PRKCE: variants seen among roughly 807,000 people sequenced by gnomAD.
The protein encoded by PRKCE is protein kinase C epsilon type.
PRKCE carries 16 observed loss-of-function variants against 85.4 expected under a neutral mutation model. The ratio of observed to expected loss-of-function variants is 0.19; its 90% CI spans 0.13 to 0.28. PRKCE has a LOEUF of 0.28. Ranked by LOEUF, PRKCE falls within the 10% of genes least tolerant of loss-of-function variation. The pLI, the probability that PRKCE is intolerant of heterozygous loss-of-function variation, is 1.00. For missense variants in PRKCE, 573 were observed against 975.2 expected, an observed-to-expected ratio of 0.59 and a Z score of 5.49; for synonymous variants, 388 against 371.5, an observed-to-expected ratio of 1.04 and a Z score of -0.51.
At chr2:45,926,184 G>A (rs183965949) in intron 2 of PRKCE, among the ~76,000 whole-genome samples, 75 of 152,326 alleles carry the variant, frequency 4.9e-4, no homozygotes, top group African/African-American at 1.7e-3. Flanking sequence ...CTGCTGCTCA[G>A]CGGCTGACTG....
chr2:46,107,371 G>A (rs1295703167), intron 11 of PRKCE, among the ~76,000 whole-genome samples: 1 of 152,106 alleles, frequency 6.6e-6, no homozygotes, highest in South Asian at 2.1e-4. Flanking sequence ...GGCCGGGCAC[G>A]GTGGCTCATG....
chr2:46,113,658 TC>T (rs979505776), intron 11 of PRKCE, among the ~76,000 whole-genome samples: 2 of 152,160 alleles, frequency 1.3e-5, no homozygotes, highest in African/African-American at 4.8e-5. Flanking sequence ...GAGTTTGCAG[TC>T]CCTGGCTTGC....
chr2:46,141,945 G>A (rs1681806694), intron 11 of PRKCE, among the ~76,000 whole-genome samples: 1 of 152,144 alleles, frequency 6.6e-6, no homozygotes, highest in South Asian at 2.1e-4. Flanking sequence ...AAGTAGGCAA[G>A]GCTGGGAAAC....
chr2:46,023,076 C>T (rs1049232028), intron 10 of PRKCE, among the ~76,000 whole-genome samples: 2 of 114,240 alleles, frequency 1.8e-5, no homozygotes, highest in African/African-American at 7.0e-5. Flanking sequence ...GGCGACAGAG[C>T]GAGACTCCGT....
chr2:45,887,959 A>G (rs1301157329), intron 2 of PRKCE, among the ~76,000 whole-genome samples: 1 of 152,184 alleles, frequency 6.6e-6, no homozygotes, highest in Non-Finnish European at 1.5e-5. Context: ...CTGCCCACAT[A>G]GGAGAGGTGG....
chr2:46,008,927 G>A (rs1224743584), intron 9 of PRKCE, among the ~76,000 whole-genome samples: 2 of 152,200 alleles, frequency 1.3e-5, no homozygotes, highest in African/African-American at 4.8e-5. Context: ...GTTTTAAAGA[G>A]TCTGTAAAAT....
At chr2:46,020,767 G>A (rs1354124938) in intron 10 of PRKCE, among the ~76,000 whole-genome samples, 1 of 152,236 alleles carries the variant, frequency 6.6e-6, no homozygotes, top group Non-Finnish European at 1.5e-5. Flanking sequence ...AGATAACAGG[G>A]ACTGGGAAGG....
At chr2:45,951,896 C>CA (rs1411966247) in intron 2 of PRKCE, among the ~76,000 whole-genome samples, 1 of 152,198 alleles carries the variant, frequency 6.6e-6, no homozygotes, top group Non-Finnish European at 1.5e-5. Context: ...ACAGGGGCGC[C>CA]ATCTTGGCTC....
chr2:45,909,721 A>T (rs1697239850), intron 2 of PRKCE, among the ~76,000 whole-genome samples: 1 of 152,200 alleles, frequency 6.6e-6, no homozygotes, highest in African/African-American at 2.4e-5. Context: ...CATTTAGAAA[A>T]GCCTTCCAGG....
intron 1 of PRKCE, among the ~76,000 whole-genome samples, chr2:45,842,246 C>T (rs1482995667): frequency 2.0e-5 from 3 of 152,230 alleles, no homozygotes; most frequent in South Asian, 4.1e-4. Flanking sequence ...AGTGAGGGTG[C>T]CTGTGCTGTT....
chr2:45,893,947 G>A (rs13400838), intron 2 of PRKCE, among the ~76,000 whole-genome samples: 9,978 of 152,026 alleles, frequency 0.066, 380 homozygotes, highest in Middle Eastern at 0.12. Context: ...CTCTGTTTCC[G>A]GGCAAGGGAC....
At chr2:45,859,238 C>G (rs929544559) in intron 2 of PRKCE, among the ~76,000 whole-genome samples, 1 of 151,316 alleles carries the variant, frequency 6.6e-6, no homozygotes, top group Non-Finnish European at 1.5e-5. Flanking sequence ...TCTTCTATTC[C>G]TAGACGTTGG....
At chr2:45,930,569 G>A (rs766641192) in intron 2 of PRKCE, among the ~76,000 whole-genome samples, 1 of 152,204 alleles carries the variant, frequency 6.6e-6, no homozygotes, top group Non-Finnish European at 1.5e-5. Flanking sequence ...CTTCCAATTG[G>A]AATGCCTGTC....
intron 1 of PRKCE, among the ~76,000 whole-genome samples, chr2:45,773,174 G>A (rs1251868942): frequency 6.6e-6 from 1 of 152,160 alleles, no homozygotes; most frequent in African/African-American, 2.4e-5. Context: ...ATCCATGTTG[G>A]CTCCTGGGAC....
chr2:45,870,645 G>A (rs1279634544), intron 2 of PRKCE, among the ~76,000 whole-genome samples: 3 of 152,218 alleles, frequency 2.0e-5, no homozygotes, highest in Non-Finnish European at 4.4e-5. Flanking sequence ...AGGTAGTCAA[G>A]GGGGAAGAGC....
Position 46,138,681 on chromosome 2 carries a change from TA to T in PRKCE, c.1593-6411del, listed in dbSNP as rs1324961524. Among the ~76,000 whole-genome samples the T allele has an allele frequency of 6.6e-5, 10 of 152,164 alleles. No individual in the cohort carries two copies. Among genetic ancestry groups the T allele is most frequent in the Admixed American group, 5.9e-4 (9 of 15,284 alleles). On this transcript the variant is annotated intron_variant, in intron 11 of 14. Coordinates refer to ENST00000306156, the MANE Select transcript of PRKCE (RefSeq NM_005400.3). The surrounding 1 kb of genome is among the most constrained non-coding windows in gnomAD (Gnocchi z 4.2). ...AACCAGAGGGCCTGCAAGGGACACT[TA>T]GCAATGTCTGGAGACACAGTTGGTT...
intron 1 of PRKCE, among the ~76,000 whole-genome samples, chr2:45,732,940 T>C (rs1389490052): frequency 6.6e-6 from 1 of 152,162 alleles, no homozygotes; most frequent in East Asian, 1.9e-4. Flanking sequence ...TCGACGACTT[T>C]CTTTAAAGGA....
At chr2:46,016,620 C>T (rs1706173236) in intron 10 of PRKCE, among the ~76,000 whole-genome samples, 1 of 152,034 alleles carries the variant, frequency 6.6e-6, no homozygotes, top group Non-Finnish European at 1.5e-5. Flanking sequence ...TTAAAAGTGC[C>T]CTGACTGGCT....
chr2:45,816,664 C>G (rs1470539919), intron 1 of PRKCE, among the ~76,000 whole-genome samples: 1 of 152,208 alleles, frequency 6.6e-6, no homozygotes, highest in African/African-American at 2.4e-5. Flanking sequence ...TTCCTTTCCT[C>G]TGTGCACTCT....
Sources: allele counts gnomAD v4.1 joint callset (sites outside exome capture counted in the v4.1 genomes callset), GRCh38; gene constraint gnomAD v4.1.1; non-coding constraint Gnocchi (gnomAD v3.1); transcripts MANE v1.5; gene names NCBI Gene and HGNC (gene_info 2026-07-23, HGNC 2026-07-21).